Variants in MAX observed in about 807,000 individuals in gnomAD.
MAX encodes the protein protein max.
MAX carries 3 observed loss-of-function variants against 22.3 expected under a neutral mutation model. The observed-to-expected ratio is 0.13, with a 90% confidence interval of 0.06 to 0.35. The LOEUF (loss-of-function observed/expected upper bound fraction) is 0.35, where lower values mean the gene tolerates loss of function less well. MAX is among the 10% of genes least tolerant of loss of function. The probability of loss-of-function intolerance (pLI) is 1.00; values close to 1 mark genes in which losing one functional copy is unlikely to be tolerated. For missense variants in MAX, 119 were observed against 209.4 expected, an observed-to-expected ratio of 0.57 and a Z score of 2.66; for synonymous variants, 72 against 77.7, an observed-to-expected ratio of 0.93 and a Z score of 0.39.
intron 3 of MAX, among the ~76,000 whole-genome samples, chr14:65,087,802 G>A (rs900198361): frequency 4.6e-5 from 7 of 152,158 alleles, no homozygotes; most frequent in Non-Finnish European, 1.5e-5. Flanking sequence ...GAGGACATGA[G>A]ATTTGGGAGG....
chr14:65,043,607 G>C (rs910729065), intron 3 of MAX, among the ~76,000 whole-genome samples: 20 of 151,902 alleles, frequency 1.3e-4, no homozygotes, highest in Non-Finnish European at 1.8e-4. Context: ...TGGATCATGA[G>C]GTCAGGAGAT....
rs1208138432 is a variant in MAX, at chr14:65,009,528, C to T, written c.172-3244G>A. ...ACATCAGAGACCTATATTTCGCTAG[C>T]TTCGTACCCATCATTTCTCGCTCAA... On this transcript the variant is annotated intron_variant, in intron 3 of 3. Coordinates refer to the MAX transcript ENST00000341653. This position sits in a 1 kb window ranked among gnomAD's most constrained non-coding sequence, Gnocchi z 4.2. Among the ~76,000 whole-genome samples, 1 of 152,120 alleles carries T rather than the reference C, an allele frequency of 6.6e-6. No homozygotes were observed. Among genetic ancestry groups the T allele is most frequent in the Non-Finnish European group, 1.5e-5 (1 of 68,022 alleles).
At chr14:65,063,774 A>G (rs1173819985) in intron 3 of MAX, among the ~76,000 whole-genome samples, 3 of 152,170 alleles carry the variant, frequency 2.0e-5, no homozygotes, top group Admixed American at 6.5e-5. Flanking sequence ...CACGTTGCCC[A>G]AGCTGGTCTC....
chr14:65,041,498 C>A (rs1288987037), intron 3 of MAX, among the ~76,000 whole-genome samples: 12 of 152,172 alleles, frequency 7.9e-5, no homozygotes, highest in Admixed American at 6.5e-5. Flanking sequence ...AACACACACA[C>A]CTCCACGGCC....
In MAX at chr14:65,028,128, A is replaced by T. The variant is rs1461329136; in HGVS notation, c.172-21844T>A. Among the ~76,000 whole-genome samples the T allele has an allele frequency of 1.3e-5, 2 of 152,228 alleles. No individual in the cohort carries two copies. Among genetic ancestry groups the T allele is most frequent in the Non-Finnish European group, 2.9e-5 (2 of 68,038 alleles). Reference sequence around the variant, plus strand: ...CTCTCTGAGATAGGAAGGGAGGGGAAAGTCCAGCAGGGCCTCAGTAAATAC... The same window carrying T: ...CTCTCTGAGATAGGAAGGGAGGGGATAGTCCAGCAGGGCCTCAGTAAATAC... On this transcript the variant is annotated intron_variant, in intron 3 of 3. Coordinates refer to the MAX transcript ENST00000341653. This position sits in a 1 kb window ranked among gnomAD's most constrained non-coding sequence, Gnocchi z 4.4.
rs2063266574 is a variant in MAX at position 65,084,188 on chromosome 14, T to C, written c.172-6152A>G. The stretch of plus-strand genomic sequence containing the variant: ...GTCAAAACAATCATTTTTTAAATCT[T>C]GCATTCTTTTTTCTTGTGCACTTGG... On this transcript the variant is annotated intron_variant, in intron 3 of 4. Coordinates refer to ENST00000358664, the MANE Select transcript of MAX (RefSeq NM_002382.5). The surrounding 1 kb of genome is among the most constrained non-coding windows in gnomAD (Gnocchi z 4.3). The C allele has an allele frequency of 1.2e-6, 2 of 1,613,944 alleles. No homozygotes were observed. The highest frequency in any genetic ancestry group is 1.1e-5 in the South Asian group (1 of 91,080).
chr14:65,016,409 A>C (rs1310833258), intron 3 of MAX: 1 of 152,278 alleles, frequency 6.6e-6, no homozygotes, highest in Non-Finnish European at 1.5e-5. Flanking sequence ...GGCAGCCAGG[A>C]ATTGGATCCA....
chr14:65,086,869 T>C (rs1443145665), intron 3 of MAX, among the ~76,000 whole-genome samples: 1 of 151,702 alleles, frequency 6.6e-6, no homozygotes, highest in African/African-American at 2.4e-5. Flanking sequence ...TCAGAGATCT[T>C]CACAGCAGCT....
chr14:65,022,957 A>G (rs1376852221), intron 3 of MAX, among the ~76,000 whole-genome samples: 2 of 151,670 alleles, frequency 1.3e-5, no homozygotes, highest in Non-Finnish European at 2.9e-5. Flanking sequence ...TTTTATTCTT[A>G]TTGGTTTCTG....
At chr14:65,056,655 G>A (rs1227619254) in intron 3 of MAX, among the ~76,000 whole-genome samples, 2 of 152,130 alleles carry the variant, frequency 1.3e-5, no homozygotes, top group Non-Finnish European at 2.9e-5. Flanking sequence ...CATATTCTGT[G>A]CTCATTTTCT....
In MAX at chr14:65,044,216, A is replaced by G. The variant is rs1280334214; in HGVS notation, c.172-37932T>C. The G allele has an allele frequency of 1.9e-6, 3 of 1,586,034 alleles. No individual in the cohort carries two copies. The highest frequency in any genetic ancestry group is 2.6e-6 in the Non-Finnish European group (3 of 1,169,224). On this transcript the variant is annotated intron_variant, in intron 3 of 3. Coordinates refer to the MAX transcript ENST00000341653. This position sits in a 1 kb window ranked among gnomAD's most constrained non-coding sequence, Gnocchi z 5.5. ...GTGCCAAGAAGCCACAAGATGGGAA[A>G]CCCTCCATCCCACAGATTGACTCCT...
chr14:65,075,875 A>G lies in MAX; in HGVS notation c.*601T>C. 1 of 1,067,756 alleles carries G rather than the reference A, an allele frequency of 9.4e-7. No individual in the cohort carries two copies. Among genetic ancestry groups the G allele is most frequent in the Non-Finnish European group, 1.1e-6 (1 of 880,768 alleles). 66.1% of individuals were successfully genotyped at this position (1,067,756 alleles called of 1,614,324 possible). A position where few individuals can be genotyped will look rare whatever the true frequency, so the allele number is the denominator to read the frequency against. On this transcript the variant is annotated 3_prime_UTR_variant, in exon 5 of 5. Transcript: ENST00000358664. This position sits in a 1 kb window ranked among gnomAD's most constrained non-coding sequence, Gnocchi z 4.1. ...ACATGCCAGCGACTCTGTGCTGCGA[A>G]TCTGTCCCCACTTCCTTTTTATACC...
rs749197525 is a variant in MAX, at chr14:65,084,209, C to A, written c.172-6173G>T. ...ATCTTGCATTCTTTTTTCTTGTGCACTTGGTAGCTTGAAATGAAGGTGTGG... is the reference window on the plus strand; with the variant it reads ...ATCTTGCATTCTTTTTTCTTGTGCAATTGGTAGCTTGAAATGAAGGTGTGG... On this transcript the variant is annotated intron_variant, in intron 3 of 4. Coordinates refer to ENST00000358664, the MANE Select transcript of MAX (RefSeq NM_002382.5). This position sits in a 1 kb window ranked among gnomAD's most constrained non-coding sequence, Gnocchi z 4.3. 2 of 1,614,058 alleles carry A rather than the reference C, an allele frequency of 1.2e-6. No individual in the cohort carries two copies. The highest frequency in any genetic ancestry group is 2.2e-5 in the South Asian group (2 of 91,088).
rs200448707 is a variant in MAX at position 65,023,574 on chromosome 14, C to T, written c.172-17290G>A. 1.3e-5 allele frequency among the ~76,000 whole-genome samples: 2 copies of T among 152,138 alleles called. No homozygotes were observed. Among genetic ancestry groups the T allele is most frequent in the East Asian group, 3.8e-4 (2 of 5,198 alleles). ...ATATTCTGTAAATGTCTATAGGTGT[C>T]TATAAACATCTATACGTGTTCTATA... On this transcript the variant is annotated intron_variant, in intron 3 of 3. Coordinates refer to the MAX transcript ENST00000341653. This position sits in a 1 kb window ranked among gnomAD's most constrained non-coding sequence, Gnocchi z 4.1.
chr14:65,073,939 A>T (rs1450958905), downstream of MAX, among the ~76,000 whole-genome samples: 1 of 152,180 alleles, frequency 6.6e-6, no homozygotes, highest in African/African-American at 2.4e-5. Context: ...AAATCTAGAG[A>T]AGCCTAAACT....
chr14:65,070,444 C>T (rs913448171), downstream of MAX, among the ~76,000 whole-genome samples: 2 of 152,176 alleles, frequency 1.3e-5, no homozygotes, highest in Non-Finnish European at 2.9e-5. The surrounding 1 kb of genome is among the most constrained non-coding windows in gnomAD (Gnocchi z 4.4). Flanking sequence ...AAGAGCCCCA[C>T]CCTGCAAAGG....
At chr14:65,026,931 T>A (rs1484647126) in intron 3 of MAX, among the ~76,000 whole-genome samples, 1 of 151,974 alleles carries the variant, frequency 6.6e-6, no homozygotes, top group Non-Finnish European at 1.5e-5. Context: ...CACAGAGGCT[T>A]AGGTGGCAAT....
rs1474626827 is a variant in MAX, at chr14:65,069,682, T to C, written c.171+24026A>G. Among the ~76,000 whole-genome samples, 2 of 152,182 alleles carry C rather than the reference T, an allele frequency of 1.3e-5. No individual in the cohort carries two copies. Among genetic ancestry groups the C allele is most frequent in the Admixed American group, 1.3e-4 (2 of 15,280 alleles). On this transcript the variant is annotated intron_variant, in intron 3 of 3. Coordinates refer to the MAX transcript ENST00000341653. This position sits in a 1 kb window ranked among gnomAD's most constrained non-coding sequence, Gnocchi z 4.6. ...CACGCACATATGCATGCAGCATTTG[T>C]AGAGTACCCACCACAAGCCAAGCAC...
At position 65,030,587 on chromosome 14, in the gene MAX, A is replaced by T. The variant is rs557884250; in HGVS notation, c.172-24303T>A. On this transcript the variant is annotated intron_variant, in intron 3 of 3. Coordinates refer to the MAX transcript ENST00000341653. The surrounding 1 kb of genome is among the most constrained non-coding windows in gnomAD (Gnocchi z 4.5). ...GACCCTGTCTCTACAAAAAATTTTT[A>T]AAAAATTAGCCAGGTGTGGTGGCAT... Among the ~76,000 whole-genome samples, 217 of 152,140 alleles carry T rather than the reference A, an allele frequency of 1.4e-3. 2 individuals are homozygous for T. Among genetic ancestry groups the T allele is most frequent in the African/African-American group, 4.7e-3 (196 of 41,528 alleles).
Sources: gnomAD v4.1 joint callset for allele counts (sites outside exome capture counted in the v4.1 genomes callset) on GRCh38, gnomAD v4.1.1 for gene constraint, Gnocchi (gnomAD v3.1) non-coding constraint, MANE v1.5 for transcripts, NCBI Gene and HGNC (gene_info 2026-07-23, HGNC 2026-07-21) for gene names.